Variants in CCDC149 observed in about 807,000 individuals in gnomAD.
CCDC149 encodes coiled-coil domain-containing protein 149.
CCDC149 carries 45 observed loss-of-function variants against 59.9 expected under a neutral mutation model. The ratio of observed to expected loss-of-function variants is 0.75; its 90% CI spans 0.59 to 0.96. CCDC149 has a LOEUF of 0.96. Among genes scored for constraint, CCDC149 ranks in the 40% least tolerant of loss-of-function variants. The pLI, the probability that CCDC149 is intolerant of heterozygous loss-of-function variation, is 0.00. For missense variants in CCDC149, 584 were observed against 664.7 expected, an observed-to-expected ratio of 0.88 and a Z score of 1.33; for synonymous variants, 245 against 260.6, an observed-to-expected ratio of 0.94 and a Z score of 0.58.
intron 1 of CCDC149, among the ~76,000 whole-genome samples, chr4:24,930,369 A>G (rs568360635): frequency 6.6e-6 from 1 of 152,354 alleles, no homozygotes; most frequent in South Asian, 2.1e-4. Flanking sequence ...GATTCTGTGT[A>G]AGAAATAAAT....
intron 1 of CCDC149, among the ~76,000 whole-genome samples, chr4:24,925,332 A>C (rs1246030393): frequency 6.6e-6 from 1 of 151,912 alleles, no homozygotes; most frequent in Non-Finnish European, 1.5e-5. Context: ...GTTATCCTTC[A>C]TTTTCCATAA....
intron 3 of CCDC149, among the ~76,000 whole-genome samples, chr4:24,867,161 T>C (rs954088896): frequency 6.6e-6 from 1 of 152,158 alleles, no homozygotes; most frequent in African/African-American, 2.4e-5. Flanking sequence ...ATATCCAGTA[T>C]TCATTGAGCA....
intron 1 of CCDC149, among the ~76,000 whole-genome samples, chr4:24,927,418 T>G (rs1156258530): frequency 6.6e-6 from 1 of 152,252 alleles, no homozygotes; most frequent in African/African-American, 2.4e-5. Context: ...CATAAATATA[T>G]GTTTTCCATA....
intron 1 of CCDC149, among the ~76,000 whole-genome samples, chr4:24,961,342 C>T (rs1208088999): frequency 1.3e-5 from 2 of 152,184 alleles, no homozygotes; most frequent in African/African-American, 4.8e-5. Context: ...ATGCTCCGCT[C>T]ATGGGTAGGA....
At position 24,820,811 on chromosome 4, in the gene CCDC149, T is replaced by C. The variant is rs546043273; in HGVS notation, c.1075+244A>G. ...TTCCTGTCCTCCCACTTTGTATCTA[T>C]GTGGAGACCAGAGATAAGAACAAAC... is the stretch of plus-strand genomic sequence containing the variant. On this transcript the variant is annotated intron_variant, in intron 11 of 12. Transcript: ENST00000635206. Among the ~76,000 whole-genome samples the C allele has an allele frequency of 3.9e-5, 6 of 152,308 alleles. No individual in the cohort carries two copies. The East Asian group carries it at 1.2e-3, about 29-fold the overall frequency.
chr4:24,974,689 A>G (rs1273004242), intron 1 of CCDC149, among the ~76,000 whole-genome samples: 2 of 152,150 alleles, frequency 1.3e-5, no homozygotes, highest in Non-Finnish European at 2.9e-5. Flanking sequence ...GTGCTCAATC[A>G]ATGTCTGCTG....
intron 4 of CCDC149, among the ~76,000 whole-genome samples, chr4:24,844,797 A>T (rs144337869): frequency 0.015 from 2,298 of 151,556 alleles, 53 homozygotes; most frequent in African/African-American, 0.052. Context: ...AAAATAAAAT[A>T]AAAATAAAAA....
At chr4:24,925,190 T>C (rs931099015) in intron 1 of CCDC149, among the ~76,000 whole-genome samples, 5 of 152,236 alleles carry the variant, frequency 3.3e-5, no homozygotes, top group Non-Finnish European at 7.3e-5. Flanking sequence ...TAGACATTCC[T>C]GTTCAAAAGC....
intron 1 of CCDC149, among the ~76,000 whole-genome samples, chr4:24,924,711 A>G (rs531701691): frequency 2.0e-5 from 3 of 152,320 alleles, no homozygotes; most frequent in South Asian, 2.1e-4. Context: ...AACAAAGTGG[A>G]AACTATACTG....
At position 24,806,238 on chromosome 4, in the gene CCDC149, G is replaced by C. The variant is rs1461459303; in HGVS notation, c.*2151C>G. On this transcript the variant is annotated 3_prime_UTR_variant, in exon 13 of 13. Coordinates refer to ENST00000635206, the MANE Select transcript of CCDC149 (RefSeq NM_001330643.2). ...GTTATCAGGGTTATATCTGTGACAG[G>C]ATCAACTAACTTACTGGCTCTCATT... 2.6e-5 allele frequency: 4 copies of C among 152,168 alleles called. No individual in the cohort carries two copies. The highest frequency in any genetic ancestry group is 4.8e-5 in the African/African-American group (2 of 41,406). The allele number at this position is 152,168 out of a possible 1,614,324, so 9.4% of individuals were successfully genotyped here.
At chr4:24,828,941 G>C (rs1308033023) in intron 9 of CCDC149, 1 of 152,468 alleles carries the variant, frequency 6.6e-6, no homozygotes, top group African/African-American at 2.4e-5. Context: ...GGGTGTGTTT[G>C]CAGTGGGTAT....
rs772122753 is a variant in CCDC149 at position 24,808,761 on chromosome 4, C to T, written c.1251G>A (p.Ala417=). Residue 417 remains alanine (A), a synonymous_variant, in exon 13 of 13, where the codon GCG becomes GCA. Coordinates refer to ENST00000635206, the MANE Select transcript of CCDC149 (RefSeq NM_001330643.2). ...CAGCGGGCCTCCCAGCATCCTCAGG[C>T]GCTGTCAACGCCTCAGCAGCGGCAC... 53 of 1,551,788 alleles carry T rather than the reference C, an allele frequency of 3.4e-5. No individual in the cohort carries two copies. In the Middle Eastern group the frequency reaches 5.0e-4, roughly 15 times the overall value.
At chr4:24,914,385 GAAAAAAAAA>G (rs201825269), upstream of CCDC149, among the ~76,000 whole-genome samples, 2 of 120,186 alleles carry the variant, frequency 1.7e-5, no homozygotes, top group African/African-American at 2.9e-5. Flanking sequence ...TGTGTTACCA[GAAAAAAAAA>G]AAAAAAAAAA....
chr4:24,808,799 C>A lies in CCDC149; in HGVS notation c.1213G>T (p.Glu405Ter). The change falls in exon 13 of 13, where the codon GAA (glutamate) becomes TAA (stop). Residue 405 changes from glutamate to a stop codon, truncating the protein, a stop_gained. Coordinates refer to ENST00000635206, the MANE Select transcript of CCDC149 (RefSeq NM_001330643.2). LOFTEE classifies it low-confidence loss of function (END_TRUNC). ...TCAGCAGCGGCACAACTTTCATCTT[C>A]TTCTTGCTTCTGAGCCTCCCCTGAA... The A allele has an allele frequency of 6.5e-7, 1 of 1,549,656 alleles. No individual in the cohort carries two copies. The highest frequency in any genetic ancestry group is 8.7e-7 in the Non-Finnish European group (1 of 1,146,146).
upstream of CCDC149, among the ~76,000 whole-genome samples, chr4:24,913,628 G>T (rs1722027495): frequency 6.6e-6 from 1 of 152,162 alleles, no homozygotes; most frequent in South Asian, 2.1e-4. Context: ...TGGTTAGCAT[G>T]GGTTGAGAGA....
At chr4:24,969,503 C>T (rs1446097243) in intron 1 of CCDC149, among the ~76,000 whole-genome samples, 3 of 152,146 alleles carry the variant, frequency 2.0e-5, no homozygotes, top group East Asian at 1.9e-4. Context: ...CTACAAGCCC[C>T]GAGTATAATT....
At position 24,859,191 on chromosome 4, in the gene CCDC149, C is replaced by T. The variant is rs557835878; in HGVS notation, c.265-6012G>A. Among the ~76,000 whole-genome samples, 447 of 152,146 alleles carry T rather than the reference C, an allele frequency of 2.9e-3. 4 individuals carry two copies. The highest frequency in any genetic ancestry group is 9.9e-3 in the African/African-American group (410 of 41,512). On this transcript the variant is annotated intron_variant, in intron 3 of 12. Coordinates refer to ENST00000635206, the MANE Select transcript of CCDC149 (RefSeq NM_001330643.2). ...GCCATTCTGTTTTTTGGTTTCAGTACGGTATGGAATAAATTACACTTTATA... is the reference window on the plus strand; with the variant it reads ...GCCATTCTGTTTTTTGGTTTCAGTATGGTATGGAATAAATTACACTTTATA...
At chr4:24,943,250 GA>G (rs1414180190) in intron 1 of CCDC149, among the ~76,000 whole-genome samples, 1 of 152,098 alleles carries the variant, frequency 6.6e-6, no homozygotes, top group Admixed American at 6.6e-5. Flanking sequence ...CATATCTACA[GA>G]AATAATGCCG....
At chr4:24,937,794 A>G (rs1722827436) in intron 1 of CCDC149, among the ~76,000 whole-genome samples, 1 of 152,232 alleles carries the variant, frequency 6.6e-6, no homozygotes, top group Admixed American at 6.5e-5. Flanking sequence ...GTTCAGGGAC[A>G]TACAGAAAAG....
Sources: gnomAD v4.1 joint callset for allele counts (sites outside exome capture counted in the v4.1 genomes callset) on GRCh38, gnomAD v4.1.1 for gene constraint, MANE v1.5 for transcripts, NCBI Gene and HGNC (gene_info 2026-07-23, HGNC 2026-07-21) for gene names.